The following DUSP2 variants were observed in gnomAD, a reference collection of about 807,000 sequenced individuals.
DUSP2 encodes the protein dual specificity protein phosphatase 2.
In DUSP2, 20 loss-of-function variants were observed where a neutral mutation model predicts 23.3. The observed-to-expected ratio is 0.86, with a 90% CI of 0.60 to 1.25. The LOEUF is 1.25. DUSP2 is among the 50% of genes most tolerant of loss of function. The pLI is 0.00. For missense variants in DUSP2, 435 were observed against 452.6 expected (o/e 0.96, Z 0.35); for synonymous variants, 231 against 209.7 (o/e 1.10, Z -0.88).
At position 96,144,820 on chromosome 2, in the gene DUSP2, G is replaced by C. The variant is rs1462467530; in HGVS notation, c.451C>G (p.Leu151Val). ...DLCSEAPAPA[L>V]PPTGDKTSRS... Reference sequence around the variant, plus strand: ...CTGGTTTTGTCCCCTGTTGGCGGCAGCGCAGGGGCGGGGGCCTCAGAGCAC... The same window carrying C: ...CTGGTTTTGTCCCCTGTTGGCGGCACCGCAGGGGCGGGGGCCTCAGAGCAC... Residue 151 changes from leucine to valine, a missense_variant, in exon 2 of 4, where the codon CTG (leucine) becomes GTG (valine). Coordinates refer to ENST00000288943, the MANE Select transcript of DUSP2 (RefSeq NM_004418.4). 6.4e-7 allele frequency: 1 copy of C among 1,570,198 alleles called. No homozygotes were observed. The highest frequency in any genetic ancestry group is 2.3e-5 in the East Asian group (1 of 42,700).
rs761720858 is a variant in DUSP2, at chr2:96,144,962, C to T, written c.388+5G>A. The T allele has an allele frequency of 7.1e-6, 11 of 1,546,204 alleles. No individual in the cohort carries two copies. The highest frequency in any genetic ancestry group is 5.4e-5 in the African/African-American group (4 of 73,572). On this transcript the variant is annotated splice_donor_5th_base_variant and intron_variant, in intron 1 of 3. Transcript: ENST00000288943. ...GGGCGGGCCAAGGGCGGCCGGCTTG[C>T]TCACCTCGCAGGAAGTACACGGCAG... is the stretch of plus-strand genomic sequence containing the variant.
chr2:96,145,207 G>A lies in DUSP2; in HGVS notation c.148C>T (p.Pro50Ser). 1 of 1,274,616 alleles carries A rather than the reference G, an allele frequency of 7.8e-7. No homozygotes were observed. Among genetic ancestry groups the A allele is most frequent in the Non-Finnish European group, 9.8e-7 (1 of 1,017,438 alleles). The allele number at this position is 1,274,616 out of a possible 1,614,324, so 79.0% of individuals were successfully genotyped here. ...RRHVRAARPVPWNALLRRRAR... is the reference protein window; with the variant it reads ...RRHVRAARPVSWNALLRRRAR... ...CGGCGCCGCAGCAGCGCGTTCCAAGGCACTGGCCGCGCGGCGCGCACGTGG... is the reference window on the plus strand; with the variant it reads ...CGGCGCCGCAGCAGCGCGTTCCAAGACACTGGCCGCGCGGCGCGCACGTGG... The change falls in exon 1 of 4, where the codon CCT becomes TCT. Residue 50 changes from proline to serine, a missense_variant. Transcript: ENST00000288943.
In DUSP2 at chr2:96,145,377, T is replaced by C. The variant is rs1682496066; in HGVS notation, c.-23A>G. On this transcript the variant is annotated 5_prime_UTR_variant, in exon 1 of 4. Coordinates refer to ENST00000288943, the MANE Select transcript of DUSP2 (RefSeq NM_004418.4). ...CATGGCCACCGGTGCCTCTTCCTCTTCCTTTCGGTCTTTCCCGCGTCCCGG... is the reference window on the plus strand; with the variant it reads ...CATGGCCACCGGTGCCTCTTCCTCTCCCTTTCGGTCTTTCCCGCGTCCCGG... The C allele has an allele frequency of 2.2e-6, 3 of 1,374,096 alleles. No individual in the cohort carries two copies. The highest frequency in any genetic ancestry group is 1.7e-5 in the South Asian group (1 of 57,456). The allele number at this position is 1,374,096 out of a possible 1,614,324, so 85.1% of individuals were successfully genotyped here.
chr2:96,143,575 A>C lies in DUSP2; in HGVS notation c.*248T>G. The stretch of plus-strand genomic sequence containing the variant: ...ATTTCTGCCAGAGGATGGGGAGGGA[A>C]AGAGCAGACACACCCTTGGTTCCCG... On this transcript the variant is annotated 3_prime_UTR_variant, in exon 4 of 4. Coordinates refer to ENST00000288943, the MANE Select transcript of DUSP2 (RefSeq NM_004418.4). 1.8e-6 allele frequency: 1 copy of C among 546,870 alleles called. No individual in the cohort carries two copies. 33.9% of individuals were successfully genotyped at this position (546,870 alleles called of 1,614,324 possible). A position where few individuals can be genotyped will look rare whatever the true frequency, so the allele number is the denominator to read the frequency against.
In DUSP2 at chr2:96,145,165, C is replaced by T; in HGVS notation, c.190G>A (p.Ala64Thr). 7.7e-7 allele frequency: 1 copy of T among 1,301,232 alleles called. No homozygotes were observed. Among genetic ancestry groups the T allele is most frequent in the South Asian group, 2.3e-5 (1 of 43,336 alleles). 80.6% of individuals were successfully genotyped at this position (1,301,232 alleles called of 1,614,324 possible). A position where few individuals can be genotyped will look rare whatever the true frequency, so the allele number is the denominator to read the frequency against. Residue 64 changes from alanine (A) to threonine (T), a missense_variant, in exon 1 of 4, where the codon GCC becomes ACC. Physicochemically the swap from Ala to Thr is moderately conservative, Grantham distance 58 (BLOSUM62 0). Transcript: ENST00000288943. ...LLRRRARGPP[A>T]AVLACLLPDR... is the part of the protein sequence containing the mutation. The stretch of plus-strand genomic sequence containing the variant: ...GGCAGCAGGCAGGCGAGAACGGCGG[C>T]AGGAGGGCCGCGCGCGCGGCGCCGC...
At position 96,144,948 on chromosome 2, in the gene DUSP2, G is replaced by A. The variant is rs774950837; in HGVS notation, c.388+19C>T. The A allele has an allele frequency of 2.9e-5, 45 of 1,547,694 alleles. No individual in the cohort carries two copies. Among genetic ancestry groups the A allele is most frequent in the Middle Eastern group, 1.7e-4 (1 of 6,000 alleles). On this transcript the variant is annotated intron_variant, in intron 1 of 3. Coordinates refer to ENST00000288943, the MANE Select transcript of DUSP2 (RefSeq NM_004418.4). ...GCTGGAGTCGGGTGGGGCGGGCCAA[G>A]GGCGGCCGGCTTGCTCACCTCGCAG...
chr2:96,144,417 C>T (rs768679007), intron 2 of DUSP2, 44 bp from the exon 3 acceptor site: 1 of 1,587,566 alleles, frequency 6.3e-7, no homozygotes, highest in South Asian at 1.1e-5. Context: ...AGCCCAGCCC[C>T]GGAGAGCTGG....
rs1420935304 is a variant in DUSP2 at position 96,145,078 on chromosome 2, C to T, written c.277G>A (p.Glu93Lys). The T allele has an allele frequency of 6.7e-7, 1 of 1,491,536 alleles. No homozygotes were observed. The highest frequency in any genetic ancestry group is 2.2e-5 in the Admixed American group (1 of 45,084). 92.4% of individuals were successfully genotyped at this position (1,491,536 alleles called of 1,614,324 possible). Residue 93 changes from glutamate to lysine, a missense_variant, in exon 1 of 4, where the codon GAG becomes AAG. Glu to Lys is a moderately conservative substitution (Grantham distance 56). Transcript: ENST00000288943. ...GELARAVVLD[E>K]GSASVAELRP... The stretch of plus-strand genomic sequence containing the variant: ...AGCTCCGCCACCGAGGCACTGCCCT[C>T]GTCCAGCACCACGGCCCGCGCCAGC...
In DUSP2 at chr2:96,144,119, C is replaced by T. The variant is rs753010881; in HGVS notation, c.730+35G>A. The T allele has an allele frequency of 2.5e-6, 4 of 1,613,030 alleles. No homozygotes were observed. The Admixed American group carries it at 5.0e-5, about 20-fold the overall frequency. On this transcript the variant is annotated intron_variant, in intron 3 of 3. Coordinates refer to ENST00000288943, the MANE Select transcript of DUSP2 (RefSeq NM_004418.4). ...GTGCCCCCAGTCCTCTCCTCTGGAG[C>T]CCCTCGGGATTTCTGGGCAGAGGTG...
rs929910250 is a variant in DUSP2, at chr2:96,144,388, G to A, written c.511-15C>T. 1 of 1,607,178 alleles carries A rather than the reference G, an allele frequency of 6.2e-7. No homozygotes were observed. Among genetic ancestry groups the A allele is most frequent in the African/African-American group, 1.3e-5 (1 of 74,802 alleles). On this transcript the variant is annotated splice_polypyrimidine_tract_variant and intron_variant, in intron 2 of 3. Transcript: ENST00000288943. ...ACAGGGCCACCCTGGAGGGAACAGA[G>A]GGGCGGTGAGGCCTTTCCAGCCCAG... is the stretch of plus-strand genomic sequence containing the variant.
At position 96,143,523 on chromosome 2, in the gene DUSP2, G is replaced by A; in HGVS notation, c.*300C>T. The A allele has an allele frequency of 2.9e-6, 1 of 348,874 alleles. No homozygotes were observed. The highest frequency in any genetic ancestry group is 3.6e-5 in the South Asian group (1 of 27,858). The allele number at this position is 348,874 out of a possible 1,614,324, so 21.6% of individuals were successfully genotyped here. A position where few individuals can be genotyped will look rare whatever the true frequency, so the allele number is the denominator to read the frequency against. ...GGCTTCAACATGGTGGTGGACCAGGGAGAGTCCACGGTATAGCGTCTAGCT... is the reference window on the plus strand; with the variant it reads ...GGCTTCAACATGGTGGTGGACCAGGAAGAGTCCACGGTATAGCGTCTAGCT... On this transcript the variant is annotated 3_prime_UTR_variant, in exon 4 of 4. Transcript: ENST00000288943.
In DUSP2 at chr2:96,144,170, C is replaced by T. The variant is rs760953286; in HGVS notation, c.714G>A (p.Glu238=). 6.2e-6 allele frequency: 10 copies of T among 1,613,986 alleles called. No individual in the cohort carries two copies. The highest frequency in any genetic ancestry group is 7.6e-6 in the Non-Finnish European group (9 of 1,180,044). The change falls in exon 3 of 4, where the codon GAG becomes GAA. Residue 238 remains glutamate, a synonymous_variant. Coordinates refer to ENST00000288943, the MANE Select transcript of DUSP2 (RefSeq NM_004418.4). ...QMVEISAWFQ[E]AIGFIDWVKN... ...CCCCCTTACCAATGAAGCCTATGGC[C>T]TCCTGGAACCAGGCACTGATCTCCA... is the stretch of plus-strand genomic sequence containing the variant.
rs976622932 is a variant in DUSP2 at position 96,144,461 on chromosome 2, G to T, written c.511-88C>A. 3.0e-6 allele frequency: 4 copies of T among 1,330,024 alleles called. No individual in the cohort carries two copies. The African/African-American group carries it at 4.4e-5, about 15-fold the overall frequency. The allele number at this position is 1,330,024 out of a possible 1,614,324, so 82.4% of individuals were successfully genotyped here. On this transcript the variant is annotated intron_variant, in intron 2 of 3. Transcript: ENST00000288943. ...CGGGTGGAGACCCCATGGGCTGGCC[G>T]AGACAAGAGGACTCCTCAGCCAGTC... is the stretch of plus-strand genomic sequence containing the variant.
chr2:96,144,636 C>A, intron 2 of DUSP2, 125 bp downstream of exon 2: 1 of 940,500 alleles, frequency 1.1e-6, no homozygotes, highest in South Asian at 1.7e-5. Context: ...CCAACACACA[C>A]ACGTATAAAA....
Position 96,144,535 on chromosome 2 carries a change from C to T in DUSP2, c.511-162G>A, listed in dbSNP as rs548942138. 123 of 754,304 alleles carry T rather than the reference C, an allele frequency of 1.6e-4. No homozygotes were observed. In the South Asian group the frequency reaches 2.3e-3, roughly 14 times the overall value. 46.7% of individuals were successfully genotyped at this position (754,304 alleles called of 1,614,324 possible). ...GGAATGTGCGGAGGACACACCGGGA[C>T]ATACATTTCCCTTCATGCTCCCAAC... is the stretch of plus-strand genomic sequence containing the variant. On this transcript the variant is annotated intron_variant, in intron 2 of 3. Coordinates refer to ENST00000288943, the MANE Select transcript of DUSP2 (RefSeq NM_004418.4).
intron 2 of DUSP2, 159 bp from the exon 3 acceptor site, chr2:96,144,532 G>T: frequency 2.6e-6 from 2 of 760,636 alleles, no homozygotes; most frequent in South Asian, 1.8e-5. Flanking sequence ...GGACACACCG[G>T]GACATACATT....
chr2:96,145,006 C>G lies in DUSP2; in HGVS notation c.349G>C (p.Glu117Gln), dbSNP rs997566800. ...ACGGCAGTGGGCCCCGCGCGGGTCT[C>G]GTGCAGCAGCGCGGCCAGCAGCACA... is the stretch of plus-strand genomic sequence containing the variant. ...AHVLLAALLH[E>Q]TRAGPTAVYF... Residue 117 changes from glutamate to glutamine, a missense_variant, in exon 1 of 4, where the codon GAG (glutamate) becomes CAG (glutamine). Transcript: ENST00000288943. 178 of 1,540,926 alleles carry G rather than the reference C, an allele frequency of 1.2e-4. 4 individuals carry two copies. In the Admixed American group the frequency reaches 3.4e-3, roughly 29 times the overall value.
At position 96,144,259 on chromosome 2, in the gene DUSP2, A is replaced by G; in HGVS notation, c.625T>C (p.Cys209Arg). ...ITAVLNVSAS[C>R]PNHFEGLFRY... The stretch of plus-strand genomic sequence containing the variant: ...AAAAGGCCCTCAAAGTGGTTGGGGC[A>G]GCTGGCGGACACGTTGAGGACGGCT... Residue 209 changes from cysteine to arginine, a missense_variant, in exon 3 of 4, where the codon TGC (cysteine) becomes CGC (arginine). Physicochemically the swap from Cys to Arg is radical, Grantham distance 180. Coordinates refer to ENST00000288943, the MANE Select transcript of DUSP2 (RefSeq NM_004418.4). 1 of 1,613,994 alleles carries G rather than the reference A, an allele frequency of 6.2e-7. No homozygotes were observed. Among genetic ancestry groups the G allele is most frequent in the South Asian group, 1.1e-5 (1 of 91,090 alleles).
In DUSP2 at chr2:96,143,774, A is replaced by G; in HGVS notation, c.*49T>C. On this transcript the variant is annotated 3_prime_UTR_variant, in exon 4 of 4. Coordinates refer to ENST00000288943, the MANE Select transcript of DUSP2 (RefSeq NM_004418.4). ...CCCAGAGGGGAGCCCACCAGTCCAC[A>G]GTCAGCTCCTGCCAGCACAGTGGGG... is the stretch of plus-strand genomic sequence containing the variant. The G allele has an allele frequency of 3.1e-6, 5 of 1,597,336 alleles. No homozygotes were observed. In the South Asian group the frequency reaches 4.5e-5, roughly 14 times the overall value.
Sources: allele counts gnomAD v4.1 joint callset, GRCh38; gene constraint gnomAD v4.1.1; transcripts MANE v1.5; gene names NCBI Gene and HGNC (gene_info 2026-07-23, HGNC 2026-07-21).